The following AMBRA1 variants were observed in gnomAD, a reference collection of about 807,000 sequenced individuals.
AMBRA1 encodes the protein autophagy and beclin 1 regulator 1.
AMBRA1 carries 47 observed loss-of-function variants against 125.4 expected under a neutral mutation model. The observed-to-expected ratio is 0.37, with a 90% CI of 0.30 to 0.48. AMBRA1 has a LOEUF of 0.48. Among genes scored for constraint, AMBRA1 ranks in the 20% least tolerant of loss-of-function variants. AMBRA1 has a pLI of 0.99. For synonymous variants in AMBRA1, 626 were observed against 655.5 expected, an observed-to-expected ratio of 0.95 and a Z score of 0.69; for missense variants, 1,331 against 1,693.4, an observed-to-expected ratio of 0.79 and a Z score of 3.76.
At chr11:46,443,713 T>C (rs148849778) in intron 11 of AMBRA1, 115 bp from the exon 12 acceptor site, 51 of 861,800 alleles carry the variant, frequency 5.9e-5, no homozygotes, top group Middle Eastern at 2.2e-4. Flanking sequence ...AACTAGACTA[T>C]GGCTGAAGAA....
chr11:46,480,540 T>C (rs1034606831), intron 11 of AMBRA1, among the ~76,000 whole-genome samples: 4 of 152,196 alleles, frequency 2.6e-5, no homozygotes, highest in Non-Finnish European at 5.9e-5. Flanking sequence ...CATGCGTCTT[T>C]TCCTTCTTTG....
intron 1 of AMBRA1, among the ~76,000 whole-genome samples, chr11:46,585,296 C>G (rs921312440): frequency 2.0e-5 from 3 of 151,718 alleles, no homozygotes; most frequent in African/African-American, 7.3e-5. Context: ...CCACTATTGC[C>G]CTATGACCCT....
chr11:46,571,587 A>T (rs947714051), intron 1 of AMBRA1, among the ~76,000 whole-genome samples: 1 of 151,358 alleles, frequency 6.6e-6, no homozygotes, highest in Admixed American at 6.6e-5. Context: ...AGGCAGGAAG[A>T]CCACTTTAGC....
intron 13 of AMBRA1, 144 bp from the exon 14 acceptor site, chr11:46,433,772 G>C (rs1264353903): frequency 1.2e-6 from 1 of 845,514 alleles, no homozygotes; most frequent in Non-Finnish European, 1.8e-6. Flanking sequence ...GTAGTGAGGA[G>C]TATGATGAGA....
intron 12 of AMBRA1, among the ~76,000 whole-genome samples, chr11:46,440,328 C>T (rs982298939): frequency 1.1e-4 from 16 of 152,150 alleles, no homozygotes; most frequent in Middle Eastern, 3.4e-3. Context: ...GAAGTACAGA[C>T]GAGTACATAC....
chr11:46,545,160 C>CG (rs1565278136), intron 5 of AMBRA1, among the ~76,000 whole-genome samples: 1 of 23,700 alleles, frequency 4.2e-5, no homozygotes, highest in Non-Finnish European at 7.8e-5. Flanking sequence ...AAAAAAAAAG[C>CG]CGGGGGGGGG....
At chr11:46,513,215 T>C (rs2135056203) in intron 7 of AMBRA1, among the ~76,000 whole-genome samples, 1 of 151,586 alleles carries the variant, frequency 6.6e-6, no homozygotes, top group South Asian at 2.1e-4. Context: ...CATGCCATCA[T>C]CATCCACATC....
At chr11:46,533,398 A>G (rs1238210641) in intron 7 of AMBRA1, among the ~76,000 whole-genome samples, 3 of 152,218 alleles carry the variant, frequency 2.0e-5, no homozygotes, top group Non-Finnish European at 4.4e-5. Flanking sequence ...ATTTCCATTT[A>G]TGATCTCTTG....
At chr11:46,497,784 G>C (rs1292071383) in intron 9 of AMBRA1, among the ~76,000 whole-genome samples, 1 of 152,106 alleles carries the variant, frequency 6.6e-6, no homozygotes, top group African/African-American at 2.4e-5. Flanking sequence ...AGAAATCCTG[G>C]ACCAAAGGCA....
intron 1 of AMBRA1, among the ~76,000 whole-genome samples, chr11:46,585,735 C>T (rs527913093): frequency 9.6e-6 from 1 of 104,200 alleles, no homozygotes; most frequent in Non-Finnish European, 1.9e-5. Flanking sequence ...CCTAGCTTCC[C>T]AAATTGCTGG....
rs150234932 is a variant in AMBRA1, at chr11:46,434,895, G to A, written c.2775C>T (p.Ser925=). The change falls in exon 13 of 18, where the codon TCC becomes TCT. Residue 925 remains serine (S), a synonymous_variant. Coordinates refer to ENST00000683756, the MANE Select transcript of AMBRA1 (RefSeq NM_001387011.1). ...FPDEGILAVY[S]LAPHNLGEML... is the part of the protein sequence containing the mutation. ...TTTCGCCCAGGTTATGGGGGGCCAG[G>A]GAGTACACTGCCAGGATGCCTTCAT... 155 of 1,613,912 alleles carry A rather than the reference G, an allele frequency of 9.6e-5. No homozygotes were observed. Among genetic ancestry groups the A allele is most frequent in the Non-Finnish European group, 1.3e-4 (151 of 1,179,952 alleles).
intron 7 of AMBRA1, among the ~76,000 whole-genome samples, chr11:46,536,005 A>ATTTGTTT (rs564664607): frequency 3.9e-5 from 6 of 152,246 alleles, no homozygotes; most frequent in Non-Finnish European, 8.8e-5. Context: ...ACTTCCTTGT[A>ATTTGTTT]CAACTCTAAG....
chr11:46,593,887 A>C lies in AMBRA1; in HGVS notation c.-180T>G, dbSNP rs1427420464. On this transcript the variant is annotated 5_prime_UTR_variant, in exon 1 of 18. Coordinates refer to ENST00000683756, the MANE Select transcript of AMBRA1 (RefSeq NM_001387011.1). ...GCGAACGGGCTGAGCCACAGGGAAAAAGAAAGAGGAGACAGGAATAAAGGA... is the reference window on the plus strand; with the variant it reads ...GCGAACGGGCTGAGCCACAGGGAAACAGAAAGAGGAGACAGGAATAAAGGA... 8 of 398,262 alleles carry C rather than the reference A, an allele frequency of 2.0e-5. No homozygotes were observed. The highest frequency in any genetic ancestry group is 6.3e-4 in the Middle Eastern group (1 of 1,590). The allele number at this position is 398,262 out of a possible 1,614,324, so 24.7% of individuals were successfully genotyped here.
intron 8 of AMBRA1, among the ~76,000 whole-genome samples, chr11:46,509,934 T>C (rs1177867703): frequency 2.0e-5 from 3 of 152,172 alleles, no homozygotes; most frequent in African/African-American, 7.2e-5. Flanking sequence ...ACAAAAAGTA[T>C]TGGCAACTAT....
At position 46,435,093 on chromosome 11, in the gene AMBRA1, A is replaced by C. The variant is rs1947658809; in HGVS notation, c.2633-56T>G. ...AGAAACTTTGGAGTTGATACTGTAA[A>C]AATTCTGGGGCCAAGAAACTTTAGG... is the stretch of plus-strand genomic sequence containing the variant. On this transcript the variant is annotated intron_variant, in intron 12 of 17. Transcript: ENST00000683756. 3 of 1,473,572 alleles carry C rather than the reference A, an allele frequency of 2.0e-6. No homozygotes were observed. The African/African-American group carries it at 4.2e-5, about 21-fold the overall frequency. 91.3% of individuals were successfully genotyped at this position (1,473,572 alleles called of 1,614,324 possible). A position where few individuals can be genotyped will look rare whatever the true frequency, so the allele number is the denominator to read the frequency against.
At chr11:46,512,872 C>T (rs1951318459) in intron 7 of AMBRA1, 59 bp from the exon 8 acceptor site, 1 of 1,485,734 alleles carries the variant, frequency 6.7e-7, no homozygotes, top group Non-Finnish European at 9.2e-7. Context: ...AGAGGTCATT[C>T]ATAAGGAAAA....
rs149313662 is a variant in AMBRA1 at position 46,454,235 on chromosome 11, C to T, written c.2522-10637G>A. On this transcript the variant is annotated intron_variant, in intron 11 of 17. Transcript: ENST00000683756. ...TTAGAGACGGGGTCTTGCTGTGTTG[C>T]CCTAGCTGATCTCAAACTCCTGGGC... Among the ~76,000 whole-genome samples the T allele has an allele frequency of 1.5e-3, 221 of 151,686 alleles. 1 individual carries two copies. Among genetic ancestry groups the T allele is most frequent in the South Asian group, 2.7e-3 (13 of 4,788 alleles).
chr11:46,428,940 G>C (rs1409958620), intron 14 of AMBRA1: 4 of 1,612,050 alleles, frequency 2.5e-6, no homozygotes, highest in Non-Finnish European at 3.4e-6. Flanking sequence ...TCATTGGTAA[G>C]GTACCAGTAG....
intron 11 of AMBRA1, among the ~76,000 whole-genome samples, chr11:46,480,183 C>A: frequency 6.6e-6 from 1 of 152,148 alleles, no homozygotes. Flanking sequence ...AATCTTCCCA[C>A]CTCAAGATCT....
Sources: allele counts gnomAD v4.1 joint callset (sites outside exome capture counted in the v4.1 genomes callset), GRCh38; gene constraint gnomAD v4.1.1; transcripts MANE v1.5; gene names NCBI Gene and HGNC (gene_info 2026-07-23, HGNC 2026-07-21).